Variants in ITPK1 observed in about 807,000 individuals in gnomAD.
The protein encoded by ITPK1 is inositol 1,3,4-trisphosphate 5/6-kinase.
ITPK1 carries 21 observed loss-of-function variants against 45.3 expected under a neutral mutation model. That is an observed-to-expected ratio of 0.46 (90% CI 0.33 to 0.67). The LOEUF (loss-of-function observed/expected upper bound fraction) is 0.67, where lower values mean the gene tolerates loss of function less well. ITPK1 is among the 30% of genes least tolerant of loss of function. The probability of loss-of-function intolerance (pLI) is 0.02; values close to 1 mark genes in which losing one functional copy is unlikely to be tolerated. For missense variants in ITPK1, 474 were observed against 573.5 expected, an observed-to-expected ratio of 0.83 and a Z score of 1.77; for synonymous variants, 258 against 253.6, an observed-to-expected ratio of 1.02 and a Z score of -0.16.
intron 2 of ITPK1, among the ~76,000 whole-genome samples, chr14:93,091,833 T>C (rs914333701): frequency 3.3e-5 from 5 of 152,186 alleles, no homozygotes; most frequent in African/African-American, 4.8e-5. Context: ...CCAGACTCCA[T>C]GCTCTTGTCA....
At chr14:93,089,498 A>G (rs1287102740) in intron 2 of ITPK1, among the ~76,000 whole-genome samples, 14 of 152,170 alleles carry the variant, frequency 9.2e-5, no homozygotes, top group Non-Finnish European at 1.2e-4. Context: ...GAAGGATTCA[A>G]GCAGATGCCA....
intron 4 of ITPK1, among the ~76,000 whole-genome samples, chr14:93,000,751 T>TG (rs1195420729): frequency 1.4e-5 from 2 of 142,896 alleles, no homozygotes; most frequent in Admixed American, 1.4e-4. Flanking sequence ...CTGAGGCAGG[T>TG]GGATCACCTG....
In ITPK1 at chr14:92,941,083, G is replaced by C. The variant is rs1362475230; in HGVS notation, c.*478C>G. 2.5e-6 allele frequency: 3 copies of C among 1,204,116 alleles called. No individual in the cohort carries two copies. Among genetic ancestry groups the C allele is most frequent in the Non-Finnish European group, 3.2e-6 (3 of 949,068 alleles). The allele number at this position is 1,204,116 out of a possible 1,614,324, so 74.6% of individuals were successfully genotyped here. A position where few individuals can be genotyped will look rare whatever the true frequency, so the allele number is the denominator to read the frequency against. On this transcript the variant is annotated 3_prime_UTR_variant, in exon 11 of 11. Transcript: ENST00000267615. ...GGAGACCAGTAGGAGGAAAAACAAG[G>C]AAGGGGCAGGTCAGGGAGTGGGGAG...
chr14:92,950,562 C>T (rs1887910624), intron 9 of ITPK1, among the ~76,000 whole-genome samples: 1 of 152,226 alleles, frequency 6.6e-6, no homozygotes. Flanking sequence ...TCTAGGCTGA[C>T]CCCTTCCCGT....
intron 2 of ITPK1, among the ~76,000 whole-genome samples, chr14:93,098,739 T>C (rs1356621042): frequency 6.6e-6 from 1 of 152,184 alleles, no homozygotes; most frequent in Non-Finnish European, 1.5e-5. Context: ...GAAAGGCCCA[T>C]GAAGCTACTT....
At chr14:93,062,930 G>A (rs763070071) in intron 3 of ITPK1, among the ~76,000 whole-genome samples, 1 of 152,200 alleles carries the variant, frequency 6.6e-6, no homozygotes, top group African/African-American at 2.4e-5. Flanking sequence ...TGAGCGATCC[G>A]GCGGAATATT....
intron 2 of ITPK1, among the ~76,000 whole-genome samples, chr14:93,090,714 G>A (rs1158075725): frequency 1.3e-5 from 2 of 152,206 alleles, no homozygotes; most frequent in African/African-American, 2.4e-5. Flanking sequence ...CTGGGGACCT[G>A]AGGGATAAGA....
At chr14:92,953,952 G>A (rs1187157381) in intron 8 of ITPK1, among the ~76,000 whole-genome samples, 5 of 152,170 alleles carry the variant, frequency 3.3e-5, no homozygotes. Context: ...GGAGTGCTGT[G>A]GCCCGATCTC....
chr14:93,088,293 C>A (rs1566779175), intron 2 of ITPK1, among the ~76,000 whole-genome samples: 1 of 151,840 alleles, frequency 6.6e-6, no homozygotes, highest in Non-Finnish European at 1.5e-5. Context: ...TCTCAGCAAC[C>A]ACTGGGTGGG....
chr14:93,100,358 CCA>C (rs1217213286), intron 2 of ITPK1, among the ~76,000 whole-genome samples: 1 of 152,156 alleles, frequency 6.6e-6, no homozygotes, highest in Non-Finnish European at 1.5e-5. Context: ...GCTAAAACCA[CCA>C]CCCTCCCAGG....
chr14:93,082,092 A>T (rs1462424269), intron 2 of ITPK1, among the ~76,000 whole-genome samples: 2 of 151,988 alleles, frequency 1.3e-5, no homozygotes, highest in Non-Finnish European at 2.9e-5. Flanking sequence ...CTTCTCTGTG[A>T]CCAGTGGAAG....
intron 2 of ITPK1, among the ~76,000 whole-genome samples, chr14:93,106,190 C>T (rs538559886): frequency 1.1e-3 from 165 of 148,344 alleles, no homozygotes; most frequent in African/African-American, 3.9e-3. Flanking sequence ...CACCACCCCA[C>T]AGCCCAGAGC....
intron 3 of ITPK1, among the ~76,000 whole-genome samples, chr14:93,057,981 C>G (rs1308180648): frequency 6.6e-6 from 1 of 152,208 alleles, no homozygotes; most frequent in Non-Finnish European, 1.5e-5. Context: ...CTCCCTGGCC[C>G]GATCTTCCCA....
chr14:93,005,344 C>T (rs1887558443), intron 4 of ITPK1, among the ~76,000 whole-genome samples: 3 of 152,160 alleles, frequency 2.0e-5, no homozygotes, highest in Admixed American at 1.3e-4. Flanking sequence ...AATATTTAAA[C>T]CCATGAGCTC....
intron 4 of ITPK1, among the ~76,000 whole-genome samples, chr14:92,998,601 G>C (rs1008145558): frequency 2.0e-5 from 3 of 152,212 alleles, no homozygotes; most frequent in African/African-American, 7.2e-5. Flanking sequence ...TGACGCATGA[G>C]GCTGGGAGGT....
intron 5 of ITPK1, among the ~76,000 whole-genome samples, chr14:92,988,188 C>T (rs112839993): frequency 2.6e-4 from 40 of 152,360 alleles, no homozygotes; most frequent in African/African-American, 8.9e-4. Flanking sequence ...CCTGTCCTCC[C>T]TCATTCCAGA....
At chr14:93,035,620 C>G (rs953776232) in intron 3 of ITPK1, among the ~76,000 whole-genome samples, 1 of 152,186 alleles carries the variant, frequency 6.6e-6, no homozygotes, top group Non-Finnish European at 1.5e-5. Flanking sequence ...GGGCTCAGGC[C>G]GCAGAAACCT....
At chr14:93,100,235 A>G (rs1448375777) in intron 2 of ITPK1, among the ~76,000 whole-genome samples, 2 of 152,192 alleles carry the variant, frequency 1.3e-5, no homozygotes, top group Non-Finnish European at 2.9e-5. Context: ...GACCTGGAGC[A>G]TGAGGGATGG....
In ITPK1 at chr14:93,111,522, A is replaced by T. The variant is rs551943859; in HGVS notation, c.95+3547T>A. Among the ~76,000 whole-genome samples, 24 of 152,104 alleles carry T rather than the reference A, an allele frequency of 1.6e-4. No homozygotes were observed. In the South Asian group the frequency reaches 4.6e-3, roughly 29 times the overall value. Reference sequence around the variant, plus strand: ...GGTCAGGAGTTCGAGACCAGCCTGGACAACATGGTAAAACTCCATCTCCAC... The same window carrying T: ...GGTCAGGAGTTCGAGACCAGCCTGGTCAACATGGTAAAACTCCATCTCCAC... On this transcript the variant is annotated intron_variant, in intron 2 of 10. Coordinates refer to ENST00000267615, the MANE Select transcript of ITPK1 (RefSeq NM_014216.6).
Sources: allele counts gnomAD v4.1 joint callset (sites outside exome capture counted in the v4.1 genomes callset), GRCh38; gene constraint gnomAD v4.1.1; transcripts MANE v1.5; gene names NCBI Gene and HGNC (gene_info 2026-07-23, HGNC 2026-07-21).